TTC6: variants seen among roughly 807,000 people sequenced by gnomAD.
The protein encoded by TTC6 is tetratricopeptide repeat domain 6.
TTC6 carries 172 observed loss-of-function variants against 210.4 expected under a neutral mutation model. That is an observed-to-expected ratio of 0.82 (90% CI 0.72 to 0.93). TTC6 has a LOEUF of 0.93. Among genes scored for constraint, TTC6 ranks in the 40% least tolerant of loss-of-function variants. The pLI, the probability that TTC6 is intolerant of heterozygous loss-of-function variation, is 0.00. For missense variants in TTC6, 2,414 were observed against 2,318.1 expected, an observed-to-expected ratio of 1.04 and a Z score of -0.85; for synonymous variants, 804 against 819.6, an observed-to-expected ratio of 0.98 and a Z score of 0.32.
In TTC6 at chr14:37,658,313, T is replaced by C. The variant is rs75719493; in HGVS notation, c.940-21838T>C. Among the ~76,000 whole-genome samples the C allele has an allele frequency of 5.3e-5, 8 of 152,336 alleles. No homozygotes were observed. The East Asian group carries it at 9.6e-4, about 18-fold the overall frequency. On this transcript the variant is annotated intron_variant, in intron 1 of 30. Transcript: ENST00000553443. ...TGGGCCCTTCCTTTGCCAACACTTA[T>C]TTACATTACACTGTGAAAGAAAGAG...
intron 14 of TTC6, among the ~76,000 whole-genome samples, chr14:37,762,394 C>G (rs12897293): frequency 0.033 from 5,078 of 152,226 alleles, 137 homozygotes; most frequent in Non-Finnish European, 0.052. Context: ...TTTAAGGCAC[C>G]ACCATACTGT....
chr14:37,757,240 CTTT>C (rs2095970822), intron 14 of TTC6, among the ~76,000 whole-genome samples: 1 of 151,402 alleles, frequency 6.6e-6, no homozygotes, highest in Non-Finnish European at 1.5e-5. Context: ...CTCTTTTCTT[CTTT>C]ATTTTAATTA....
intron 1 of TTC6, among the ~76,000 whole-genome samples, chr14:37,638,031 CAA>C (rs988375418): frequency 4.6e-5 from 7 of 152,126 alleles, no homozygotes; most frequent in African/African-American, 1.7e-4. Flanking sequence ...AAATCTGAGA[CAA>C]ATGTTCCTAG....
At chr14:37,606,890 G>A (rs2095626170) in intron 2 of TTC6, 148 bp downstream of exon 2, 1 of 467,944 alleles carries the variant, frequency 2.1e-6, no homozygotes, top group Non-Finnish European at 2.8e-6. Flanking sequence ...GCTGCCTATG[G>A]GTCTAGCAGG....
chr14:37,622,816 A>C (rs1327806387), exon 1 of TTC6: 1 of 1,533,780 alleles, frequency 6.5e-7, no homozygotes, highest in Non-Finnish European at 8.7e-7. Flanking sequence ...CAGGGAGAAC[A>C]GGAGAGCTGG....
At position 37,789,088 on chromosome 14, in the gene TTC6, G is replaced by C. The variant is rs371250787; in HGVS notation, c.3436+1451G>C. ...CATCCTTTCCTACCAGACAGCCCAA[G>C]GAGTTTTATCACCTGCAACAAAAAA... is the stretch of plus-strand genomic sequence containing the variant. On this transcript the variant is annotated intron_variant, in intron 15 of 30. Transcript: ENST00000553443. 7.9e-5 allele frequency among the ~76,000 whole-genome samples: 12 copies of C among 152,202 alleles called. No individual in the cohort carries two copies. In the East Asian group the frequency reaches 1.4e-3, roughly 17 times the overall value.
At chr14:37,636,927 A>G (rs2095681971) in intron 1 of TTC6, among the ~76,000 whole-genome samples, 1 of 152,208 alleles carries the variant, frequency 6.6e-6, no homozygotes, top group African/African-American at 2.4e-5. Flanking sequence ...AGGTATAGTA[A>G]TCAAGACTGT....
intron 14 of TTC6, among the ~76,000 whole-genome samples, chr14:37,777,215 CCTTT>C (rs1412030577): frequency 6.6e-6 from 1 of 152,112 alleles, no homozygotes; most frequent in Admixed American, 6.5e-5. Flanking sequence ...GATTTCTCTC[CCTTT>C]CTTTCAGGAA....
chr14:37,596,744 A>G (rs1444443329), intron 1 of TTC6, among the ~76,000 whole-genome samples: 1 of 139,924 alleles, frequency 7.1e-6, no homozygotes, highest in East Asian at 2.3e-4. Flanking sequence ...ATCTAAAGTA[A>G]TTAAGAATCC....
At chr14:37,785,716 G>A (rs547946501) in intron 14 of TTC6, among the ~76,000 whole-genome samples, 4 of 152,184 alleles carry the variant, frequency 2.6e-5, no homozygotes, top group African/African-American at 9.7e-5. Context: ...TTTTTAGAAT[G>A]TTCAGCTTTT....
chr14:37,721,582 A>G (rs1015323151), intron 6 of TTC6, among the ~76,000 whole-genome samples: 4 of 151,900 alleles, frequency 2.6e-5, no homozygotes, highest in African/African-American at 9.7e-5. Flanking sequence ...CCAACTCTCA[A>G]TAAACATGGT....
At chr14:37,716,125 A>T (rs2095852322) in intron 6 of TTC6, among the ~76,000 whole-genome samples, 2 of 152,114 alleles carry the variant, frequency 1.3e-5, no homozygotes, top group South Asian at 4.1e-4. Flanking sequence ...GTAAAATAAT[A>T]CCCTCAGTCA....
intron 29 of TTC6, chr14:37,837,586 A>G (rs746426016): frequency 7.2e-6 from 2 of 279,282 alleles, no homozygotes; most frequent in Non-Finnish European, 1.4e-5. Context: ...AAAACATGAT[A>G]TATAAGTAAT....
At chr14:37,759,124 G>A (rs12890063) in intron 14 of TTC6, among the ~76,000 whole-genome samples, 19,676 of 151,822 alleles carry the variant, frequency 0.13, 1,653 homozygotes, top group Non-Finnish European at 0.2. Flanking sequence ...TTAGCCAGGC[G>A]TGGTGGCATA....
chr14:37,596,144 G>A (rs1439142440), intron 1 of TTC6, 136 bp downstream of exon 1: 3 of 152,268 alleles, frequency 2.0e-5, no homozygotes, highest in Non-Finnish European at 4.4e-5. Flanking sequence ...GTGTGATAGG[G>A]CAGGCGGACC....
intron 7 of TTC6, among the ~76,000 whole-genome samples, chr14:37,732,568 T>A (rs2095890014): frequency 6.6e-6 from 1 of 152,076 alleles, no homozygotes. Flanking sequence ...ATATACTTAC[T>A]ATTAACTAAG....
chr14:37,798,736 T>C (rs1383884660), intron 20 of TTC6, among the ~76,000 whole-genome samples: 1 of 152,140 alleles, frequency 6.6e-6, no homozygotes, highest in East Asian at 1.9e-4. Context: ...TTTTTGTAGA[T>C]AATTTAAACA....
intron 10 of TTC6, among the ~76,000 whole-genome samples, chr14:37,746,304 G>A (rs1446062741): frequency 6.6e-6 from 1 of 152,038 alleles, no homozygotes; most frequent in East Asian, 1.9e-4. Context: ...GCATTCTCTG[G>A]TCTCTCCAAG....
chr14:37,789,735 G>T (rs1477289125), intron 15 of TTC6, among the ~76,000 whole-genome samples: 1 of 150,996 alleles, frequency 6.6e-6, no homozygotes, highest in Non-Finnish European at 1.5e-5. Flanking sequence ...GCACAATAAA[G>T]AAATCCCCTA....
Sources: allele counts gnomAD v4.1 joint callset (sites outside exome capture counted in the v4.1 genomes callset), GRCh38; gene constraint gnomAD v4.1.1; transcripts MANE v1.5; gene names NCBI Gene and HGNC (gene_info 2026-07-23, HGNC 2026-07-21).